BMP5: variants seen among roughly 807,000 people sequenced by gnomAD.
BMP5 encodes bone morphogenetic protein 5.
BMP5 carries 23 observed loss-of-function variants against 46.6 expected under a neutral mutation model. That is an observed-to-expected ratio of 0.49 (90% CI 0.35 to 0.70). The LOEUF is 0.70. BMP5 is among the 30% of genes least tolerant of loss of function. The pLI is 0.00. For synonymous variants in BMP5, 204 were observed against 191.9 expected (o/e 1.06, Z -0.52); for missense variants, 545 against 565.6 (o/e 0.96, Z 0.37).
intron 2 of BMP5, among the ~76,000 whole-genome samples, chr6:55,801,953 C>A (rs530212964): frequency 6.6e-6 from 1 of 152,160 alleles, no homozygotes. Flanking sequence ...TCAGTTATGC[C>A]ACAAGTTGGG....
intron 1 of BMP5, among the ~76,000 whole-genome samples, chr6:55,822,503 T>C (rs1776432727): frequency 6.6e-6 from 1 of 152,122 alleles, no homozygotes; most frequent in Admixed American, 6.6e-5. Context: ...ATATATTTTC[T>C]CCATTCTGAA....
At position 55,755,563 on chromosome 6, in the gene BMP5, A is replaced by T. The variant is rs1774567979; in HGVS notation, c.1335T>A (p.Asn445Lys). The T allele has an allele frequency of 6.2e-7, 1 of 1,611,106 alleles. No individual in the cohort carries two copies. The highest frequency in any genetic ancestry group is 1.7e-5 in the Admixed American group (1 of 59,754). Reference protein sequence around the residue: ...SSNVILKKYRNMVVRSCGCH With the variant: ...SSNVILKKYRKMVVRSCGCH ...GGCAGCCACATGAGCGTACTACCAT[A>T]TTTCTATATTTTTTCAAAATGACAT... is the stretch of plus-strand genomic sequence containing the variant. The change falls in exon 7 of 7, where the codon AAT becomes AAA. Residue 445 changes from asparagine to lysine, a missense_variant. Transcript: ENST00000370830.
chr6:55,758,989 CA>C lies in BMP5; in HGVS notation c.1215+15del, dbSNP rs2127514918. On this transcript the variant is annotated intron_variant, in intron 6 of 6. Transcript: ENST00000370830. The stretch of plus-strand genomic sequence containing the variant: ...GCATTCTAAGCTTTTCTTAATCCTT[CA>C]AAAACAAAGCTTACCAGAGTCTGAA... The C allele has an allele frequency of 1.3e-6, 2 of 1,539,336 alleles. No homozygotes were observed. The highest frequency in any genetic ancestry group is 4.5e-5 in the East Asian group (2 of 44,418).
chr6:55,835,801 G>C (rs1175797511), intron 1 of BMP5, among the ~76,000 whole-genome samples: 6 of 152,134 alleles, frequency 3.9e-5, no homozygotes, highest in Non-Finnish European at 8.8e-5. Context: ...TCAGTGGCAA[G>C]AGACTAAGAA....
intron 1 of BMP5, among the ~76,000 whole-genome samples, chr6:55,838,249 A>T (rs1319842684): frequency 6.6e-6 from 1 of 152,130 alleles, no homozygotes; most frequent in African/African-American, 2.4e-5. Context: ...ACTAATTTAG[A>T]TCTCCAGCAA....
rs1562083015 is a variant in BMP5, at chr6:55,874,726, T to C, written c.140A>G (p.Glu47Gly). ...SFIYRRLRNH[E>G]RREIQREILS... ...AATTTCCCTTTGTATTTCCCGTCTTTCGTGGTTCCGTAGTCTTCTATAAAT... is the reference window on the plus strand; with the variant it reads ...AATTTCCCTTTGTATTTCCCGTCTTCCGTGGTTCCGTAGTCTTCTATAAAT... Residue 47 changes from glutamate to glycine, a missense_variant, in exon 1 of 7, where the codon GAA becomes GGA. Transcript: ENST00000370830. 2 of 1,613,600 alleles carry C rather than the reference T, an allele frequency of 1.2e-6. No individual in the cohort carries two copies. Among genetic ancestry groups the C allele is most frequent in the Admixed American group, 3.3e-5 (2 of 59,934 alleles).
intron 1 of BMP5, among the ~76,000 whole-genome samples, chr6:55,863,399 T>C (rs1235584480): frequency 1.3e-5 from 2 of 152,290 alleles, no homozygotes; most frequent in East Asian, 3.9e-4. Context: ...GATTCTGCCA[T>C]TCACTAGCTG....
intron 4 of BMP5, among the ~76,000 whole-genome samples, chr6:55,761,961 T>C (rs1774794074): frequency 6.6e-6 from 1 of 152,132 alleles, no homozygotes; most frequent in Non-Finnish European, 1.5e-5. Flanking sequence ...GACAAATTTC[T>C]CATAGTGTTC....
chr6:55,869,953 G>A (rs1396262856), intron 1 of BMP5, among the ~76,000 whole-genome samples: 1 of 152,096 alleles, frequency 6.6e-6, no homozygotes, highest in Admixed American at 6.5e-5. Flanking sequence ...CAGACCCCAG[G>A]AAGTGTGGGA....
At position 55,872,584 on chromosome 6, in the gene BMP5, C is replaced by G. The variant is rs551268615; in HGVS notation, c.490+1792G>C. Among the ~76,000 whole-genome samples the G allele has an allele frequency of 2.0e-5, 3 of 151,776 alleles. No individual in the cohort carries two copies. The South Asian group carries it at 6.2e-4, about 32-fold the overall frequency. ...TATTATTGGTTTTGACTTTCTTACT[C>G]TATGTAGATTTATAAAAAGTAAACA... On this transcript the variant is annotated intron_variant, in intron 1 of 6. Transcript: ENST00000370830.
At chr6:55,822,950 A>T (rs780453960) in intron 1 of BMP5, among the ~76,000 whole-genome samples, 5 of 152,120 alleles carry the variant, frequency 3.3e-5, no homozygotes, top group Non-Finnish European at 7.4e-5. Context: ...TCATAATTGC[A>T]ACAATAAATT....
At position 55,754,269 on chromosome 6, in the gene BMP5, AATAG is replaced by A. The variant is rs1199939563; in HGVS notation, c.*1260_*1263del. The stretch of plus-strand genomic sequence containing the variant: ...AAAGAAAGGCCTTAGAGGGCATTCT[AATAG>A]ATAGAGAAAATAAATTAATTTTAGA... On this transcript the variant is annotated 3_prime_UTR_variant, in exon 7 of 7. Transcript: ENST00000370830. 3 of 151,884 alleles carry A rather than the reference AATAG, an allele frequency of 2.0e-5. No homozygotes were observed. The highest frequency in any genetic ancestry group is 7.2e-5 in the African/African-American group (3 of 41,392). 9.4% of individuals were successfully genotyped at this position (151,884 alleles called of 1,614,324 possible). A position where few individuals can be genotyped will look rare whatever the true frequency, so the allele number is the denominator to read the frequency against.
intron 2 of BMP5, among the ~76,000 whole-genome samples, chr6:55,807,067 C>A (rs1776008170): frequency 6.6e-6 from 1 of 152,142 alleles, no homozygotes; most frequent in South Asian, 2.1e-4. Flanking sequence ...TTATTTCTTT[C>A]TCTTGCCTGA....
chr6:55,819,883 T>TA (rs1250496588), intron 1 of BMP5, 36 bp from the exon 2 acceptor site: 13 of 1,505,682 alleles, frequency 8.6e-6, no homozygotes, highest in Non-Finnish European at 1.2e-5. Context: ...GGAAAAAAGT[T>TA]AGTCTTTTAT....
rs938883661 is a variant in BMP5 at position 55,875,304 on chromosome 6, G to A, written c.-439C>T. 9.9e-6 allele frequency: 2 copies of A among 201,534 alleles called. No homozygotes were observed. The highest frequency in any genetic ancestry group is 1.0e-5 in the Non-Finnish European group (1 of 98,232). 12.5% of individuals were successfully genotyped at this position (201,534 alleles called of 1,614,324 possible). A position where few individuals can be genotyped will look rare whatever the true frequency, so the allele number is the denominator to read the frequency against. On this transcript the variant is annotated 5_prime_UTR_variant, in exon 1 of 7. Coordinates refer to ENST00000370830, the MANE Select transcript of BMP5 (RefSeq NM_021073.4). ...CTTTTGAGTTCTTCTCAACCCTTGAGCTCTTTCCAAAACAAATCCTGATTT... is the reference window on the plus strand; with the variant it reads ...CTTTTGAGTTCTTCTCAACCCTTGAACTCTTTCCAAAACAAATCCTGATTT...
At chr6:55,873,890 G>A (rs1777840337) in intron 1 of BMP5, among the ~76,000 whole-genome samples, 1 of 151,484 alleles carries the variant, frequency 6.6e-6, no homozygotes. Context: ...TTCAATCTTG[G>A]TTAATTTTAC....
At chr6:55,790,135 A>G (rs1775541764) in intron 3 of BMP5, among the ~76,000 whole-genome samples, 1 of 152,134 alleles carries the variant, frequency 6.6e-6, no homozygotes, top group African/African-American at 2.4e-5. Flanking sequence ...TATGATTTAA[A>G]CTATTTAATT....
chr6:55,856,605 T>C (rs1562073464), intron 1 of BMP5, among the ~76,000 whole-genome samples: 1 of 152,156 alleles, frequency 6.6e-6, no homozygotes. Flanking sequence ...TAGTGGTATC[T>C]CATTTTAGTT....
chr6:55,799,571 C>T (rs1189114391), intron 2 of BMP5, among the ~76,000 whole-genome samples: 2 of 152,204 alleles, frequency 1.3e-5, no homozygotes, highest in Non-Finnish European at 2.9e-5. Flanking sequence ...ACTCTATTGG[C>T]TTCTGATTAA....
Sources: gnomAD v4.1 joint callset for allele counts (sites outside exome capture counted in the v4.1 genomes callset) on GRCh38, gnomAD v4.1.1 for gene constraint, MANE v1.5 for transcripts, NCBI Gene and HGNC (gene_info 2026-07-23, HGNC 2026-07-21) for gene names.